TSHZ2: variants seen among roughly 807,000 people sequenced by gnomAD.
TSHZ2 encodes the protein teashirt zinc finger homeobox 2, also known as teashirt homolog 2.
A neutral mutation model predicts 74.4 loss-of-function variants in TSHZ2; 21 were observed. The observed-to-expected ratio is 0.28, with a 90% CI of 0.20 to 0.41. TSHZ2 has a LOEUF of 0.41. Ranked by LOEUF, TSHZ2 falls within the 10% of genes least tolerant of loss-of-function variation. The pLI, the probability that TSHZ2 is intolerant of heterozygous loss-of-function variation, is 1.00. For missense variants in TSHZ2, 1,244 were observed against 1,293.5 expected, an observed-to-expected ratio of 0.96 and a Z score of 0.59; for synonymous variants, 540 against 515.3, an observed-to-expected ratio of 1.05 and a Z score of -0.65.
intron 1 of TSHZ2, among the ~76,000 whole-genome samples, chr20:52,999,779 GTT>G (rs1982345566): frequency 6.6e-6 from 1 of 152,246 alleles, no homozygotes; most frequent in South Asian, 2.1e-4. Flanking sequence ...CAGCATGTGT[GTT>G]TTTAAAAAAT....
intron 1 of TSHZ2, among the ~76,000 whole-genome samples, chr20:53,137,781 A>G (rs1185466999): frequency 4.6e-5 from 7 of 152,178 alleles, no homozygotes; most frequent in Admixed American, 1.3e-4. Context: ...TGACCTGATC[A>G]TGTAGTTCCA....
chr20:53,265,896 T>C (rs1447439073), intron 2 of TSHZ2, among the ~76,000 whole-genome samples: 1 of 152,180 alleles, frequency 6.6e-6, no homozygotes, highest in Non-Finnish European at 1.5e-5. Flanking sequence ...CCCTCCCTCC[T>C]TTCTTCCCTC....
At chr20:53,050,114 T>TACACACAC (rs575510874) in intron 1 of TSHZ2, among the ~76,000 whole-genome samples, 5 of 113,384 alleles carry the variant, frequency 4.4e-5, no homozygotes, top group African/African-American at 1.9e-4. Context: ...TATATATATA[T>TACACACAC]ATATATATAT....
At chr20:53,276,747 T>C (rs1470427130) in intron 2 of TSHZ2, among the ~76,000 whole-genome samples, 1 of 152,206 alleles carries the variant, frequency 6.6e-6, no homozygotes, top group African/African-American at 2.4e-5. Context: ...GAGCGAGACC[T>C]TGTGAATGTC....
intron 2 of TSHZ2, among the ~76,000 whole-genome samples, chr20:53,472,665 C>A (rs1452677108): frequency 6.6e-6 from 1 of 151,924 alleles, no homozygotes; most frequent in African/African-American, 2.4e-5. Flanking sequence ...CCAAGATGGC[C>A]GAATAGGAAC....
intron 2 of TSHZ2, among the ~76,000 whole-genome samples, chr20:53,275,841 C>G (rs1483509376): frequency 6.6e-6 from 1 of 152,128 alleles, no homozygotes; most frequent in Non-Finnish European, 1.5e-5. Context: ...GCAGGAGAAT[C>G]GCTTGAACCA....
Position 52,977,485 on chromosome 20 carries a change from A to T in TSHZ2, c.40+4152A>T, listed in dbSNP as rs1318889818. ...ACACACACACGCATGGACACAATAAAGTCCAAAGGGTCTTAGCAGCACAAA... is the reference window on the plus strand; with the variant it reads ...ACACACACACGCATGGACACAATAATGTCCAAAGGGTCTTAGCAGCACAAA... On this transcript the variant is annotated intron_variant, in intron 1 of 2. Coordinates refer to ENST00000371497, the MANE Select transcript of TSHZ2 (RefSeq NM_173485.6). Among the ~76,000 whole-genome samples, 10 of 151,456 alleles carry T rather than the reference A, an allele frequency of 6.6e-5. 2 individuals are homozygous for T. The South Asian group carries it at 1.9e-3, about 28-fold the overall frequency.
At chr20:53,325,336 G>T (rs1223961040) in intron 2 of TSHZ2, among the ~76,000 whole-genome samples, 1 of 152,198 alleles carries the variant, frequency 6.6e-6, no homozygotes, top group African/African-American at 2.4e-5. Flanking sequence ...TGAAAATCTA[G>T]ATCTAAAAAG....
intron 1 of TSHZ2, among the ~76,000 whole-genome samples, chr20:53,169,066 A>G (rs1343232056): frequency 1.3e-5 from 2 of 152,168 alleles, no homozygotes; most frequent in East Asian, 3.8e-4. Context: ...CATCCATTCC[A>G]ATTTGAGAGG....
At chr20:52,984,608 G>T (rs1220826501) in intron 1 of TSHZ2, among the ~76,000 whole-genome samples, 1 of 152,120 alleles carries the variant, frequency 6.6e-6, no homozygotes, top group African/African-American at 2.4e-5. Context: ...AGCAAGCAAG[G>T]GGCTGGGGCT....
chr20:53,047,582 T>C (rs887024948), intron 1 of TSHZ2, among the ~76,000 whole-genome samples: 1 of 152,198 alleles, frequency 6.6e-6, no homozygotes. Flanking sequence ...CTGGGAAATG[T>C]AGTCTCTATT....
At chr20:53,086,550 G>A (rs968593107) in intron 1 of TSHZ2, among the ~76,000 whole-genome samples, 3 of 152,102 alleles carry the variant, frequency 2.0e-5, no homozygotes, top group African/African-American at 7.2e-5. Flanking sequence ...TTTGGAAGGT[G>A]ATTGTTGGAG....
In TSHZ2 at chr20:53,349,140, C is replaced by A. The variant is rs1260357390; in HGVS notation, c.*8+92569C>A. 4.6e-5 allele frequency among the ~76,000 whole-genome samples: 7 copies of A among 152,354 alleles called. No individual in the cohort carries two copies. In the East Asian group the frequency reaches 1.2e-3, roughly 25 times the overall value. ...GAGCATGGTCTAAGGGGTCAAGCTA[C>A]TTAGGTCTCAATCCTTGCTCTACCA... On this transcript the variant is annotated intron_variant, in intron 2 of 2. Transcript: ENST00000371497.
Position 53,256,090 on chromosome 20 carries a change from G to C in TSHZ2, c.2632G>C (p.Gly878Arg). 1.2e-6 allele frequency: 2 copies of C among 1,614,114 alleles called. No homozygotes were observed. Among genetic ancestry groups the C allele is most frequent in the Non-Finnish European group, 1.7e-6 (2 of 1,180,008 alleles). ...SEGKYLLSDL[G>R]PQERMQISKF... ...GGGCAAATACCTGCTGTCTGATCTGGGCCCACAAGAGCGTATGCAAATCTC... is the reference window on the plus strand; with the variant it reads ...GGGCAAATACCTGCTGTCTGATCTGCGCCCACAAGAGCGTATGCAAATCTC... The change falls in exon 2 of 3, where the codon GGC (glycine) becomes CGC (arginine). Residue 878 changes from glycine (G) to arginine (R), a missense_variant. Gly to Arg is a moderately radical substitution (Grantham distance 125). Transcript: ENST00000371497. The surrounding 1 kb of genome is among the most constrained non-coding windows in gnomAD (Gnocchi z 4.3).
intron 2 of TSHZ2, among the ~76,000 whole-genome samples, chr20:53,360,782 AG>A (rs1981021316): frequency 6.6e-6 from 1 of 152,230 alleles, no homozygotes; most frequent in African/African-American, 2.4e-5. Context: ...ATAGACCTGG[AG>A]TATCAAACCC....
At chr20:53,120,144 A>T (rs895968633) in intron 1 of TSHZ2, among the ~76,000 whole-genome samples, 1 of 152,208 alleles carries the variant, frequency 6.6e-6, no homozygotes, top group African/African-American at 2.4e-5. Context: ...TCATTTCATG[A>T]TTCCTTTCTT....
At chr20:53,396,528 TCTC>T (rs1982452691) in intron 2 of TSHZ2, among the ~76,000 whole-genome samples, 1 of 151,930 alleles carries the variant, frequency 6.6e-6, no homozygotes, top group African/African-American at 2.4e-5. Flanking sequence ...GAATGCATAT[TCTC>T]CTTGCAATCC....
intron 2 of TSHZ2, among the ~76,000 whole-genome samples, chr20:53,302,103 C>T (rs1266942778): frequency 6.6e-6 from 1 of 152,168 alleles, no homozygotes; most frequent in Admixed American, 6.5e-5. Flanking sequence ...TATGTTGGCT[C>T]ATTCTCTGTG....
At chr20:52,990,705 CAGTTAAACTTA>C (rs1391785930) in intron 1 of TSHZ2, among the ~76,000 whole-genome samples, 1 of 152,166 alleles carries the variant, frequency 6.6e-6, no homozygotes, top group Non-Finnish European at 1.5e-5. Context: ...ACACTTTAAG[CAGTTAAACTTA>C]AGTTAATGCA....
Sources: allele counts gnomAD v4.1 joint callset (sites outside exome capture counted in the v4.1 genomes callset), GRCh38; gene constraint gnomAD v4.1.1; non-coding constraint Gnocchi (gnomAD v3.1); transcripts MANE v1.5; gene names NCBI Gene and HGNC (gene_info 2026-07-23, HGNC 2026-07-21).